The following TMEM72 variants were observed in gnomAD, a reference collection of about 807,000 sequenced individuals.
The protein encoded by TMEM72 is kidney-specific secretory protein of 37 kDa.
A neutral mutation model predicts 16.3 loss-of-function variants in TMEM72; 9 were observed. The observed-to-expected ratio is 0.55, with a 90% CI of 0.33 to 0.96. The LOEUF (loss-of-function observed/expected upper bound fraction) is 0.96. TMEM72 is among the 40% of genes least tolerant of loss of function. The probability of loss-of-function intolerance (pLI) is 0.03; values close to 1 mark genes in which losing one functional copy is unlikely to be tolerated. For missense variants in TMEM72, 324 were observed against 337.8 expected (o/e 0.96, Z 0.32); for synonymous variants, 160 against 146.5 (o/e 1.09, Z -0.66).
intron 3 of TMEM72, among the ~76,000 whole-genome samples, chr10:44,932,866 T>A (rs1245865564): frequency 6.6e-6 from 1 of 152,282 alleles, no homozygotes; most frequent in Non-Finnish European, 1.5e-5. Flanking sequence ...CACGCAGGAA[T>A]GGGCACCAGG....
At chr10:44,932,093 C>A (rs1218998269) in intron 3 of TMEM72, 24 bp downstream of exon 3, 1 of 1,608,014 alleles carries the variant, frequency 6.2e-7, no homozygotes, top group Non-Finnish European at 8.5e-7. Context: ...AGAGAGACCC[C>A]TCCATTGTCC....
At position 44,919,316 on chromosome 10, in the gene TMEM72, AC is replaced by A. The variant is rs527816130; in HGVS notation, c.70+7735del. 3.9e-5 allele frequency among the ~76,000 whole-genome samples: 6 copies of A among 152,284 alleles called. No individual in the cohort carries two copies. The South Asian group carries it at 1.2e-3, about 32-fold the overall frequency. Reference sequence around the variant, plus strand: ...GTTCTAGCCAGTGCAAGAAACAGAAACAAAATGCATACAGATTGTCCAGGAA... The same window carrying A: ...GTTCTAGCCAGTGCAAGAAACAGAAAAAAATGCATACAGATTGTCCAGGAA... On this transcript the variant is annotated intron_variant, in intron 1 of 4. Coordinates refer to ENST00000389583, the MANE Select transcript of TMEM72 (RefSeq NM_001123376.3).
rs1347368186 is a variant in TMEM72, at chr10:44,933,553, G to A, written c.210-84G>A. Reference sequence around the variant, plus strand: ...CCCACTGCAGAGCATGCCCACAGCAGGGCCTGGCCCAGACTCCATGGCATC... The same window carrying A: ...CCCACTGCAGAGCATGCCCACAGCAAGGCCTGGCCCAGACTCCATGGCATC... On this transcript the variant is annotated intron_variant, in intron 3 of 4. Transcript: ENST00000389583. 14 of 1,527,708 alleles carry A rather than the reference G, an allele frequency of 9.2e-6. No individual in the cohort carries two copies. The Admixed American group carries it at 2.7e-4, about 29-fold the overall frequency. 94.6% of individuals were successfully genotyped at this position (1,527,708 alleles called of 1,614,324 possible).
intron 1 of TMEM72, among the ~76,000 whole-genome samples, chr10:44,911,898 A>G (rs1488409652): frequency 1.3e-5 from 2 of 152,182 alleles, no homozygotes; most frequent in Non-Finnish European, 2.9e-5. Flanking sequence ...GAGAGTTGTC[A>G]TGAGATGGAG....
At chr10:44,917,680 A>G (rs954754499) in intron 1 of TMEM72, among the ~76,000 whole-genome samples, 1 of 152,200 alleles carries the variant, frequency 6.6e-6, no homozygotes, top group Non-Finnish European at 1.5e-5. Context: ...GACACTGTGA[A>G]GAAGGGGCTC....
In TMEM72 at chr10:44,933,678, C is replaced by T. The variant is rs1840343106; in HGVS notation, c.251C>T (p.Ala84Val). Residue 84 changes from alanine to valine, a missense_variant, in exon 4 of 5, where the codon GCC becomes GTC. By Grantham distance (64) the Ala-to-Val change is moderately conservative. Coordinates refer to ENST00000389583, the MANE Select transcript of TMEM72 (RefSeq NM_001123376.3). ...CTGGCAGACAGAGTAAGGGAGAAAGCCCACTGGCTGGGCTGCTTCCAGAAG... is the reference window on the plus strand; with the variant it reads ...CTGGCAGACAGAGTAAGGGAGAAAGTCCACTGGCTGGGCTGCTTCCAGAAG... ...GSLADRVREK[A>V]HWLGCFQKFL... The T allele has an allele frequency of 6.2e-7, 1 of 1,614,114 alleles. No homozygotes were observed. Among genetic ancestry groups the T allele is most frequent in the South Asian group, 1.1e-5 (1 of 91,084 alleles).
At chr10:44,914,031 G>C (rs897734662) in intron 1 of TMEM72, among the ~76,000 whole-genome samples, 4 of 152,182 alleles carry the variant, frequency 2.6e-5, no homozygotes, top group African/African-American at 9.7e-5. Context: ...CCTCTTCCCT[G>C]GACCCCCTGC....
At chr10:44,927,172 A>G (rs534712421) in intron 1 of TMEM72, among the ~76,000 whole-genome samples, 1 of 152,264 alleles carries the variant, frequency 6.6e-6, no homozygotes, top group African/African-American at 2.4e-5. Flanking sequence ...CAGCAGGCCG[A>G]TGCACTGCCC....
intron 1 of TMEM72, among the ~76,000 whole-genome samples, chr10:44,915,245 T>C (rs1469343028): frequency 6.6e-6 from 1 of 152,214 alleles, no homozygotes; most frequent in East Asian, 1.9e-4. Context: ...TTCCAGCCTC[T>C]GCCCAGAGCA....
chr10:44,918,560 A>T (rs1463870726), intron 1 of TMEM72, among the ~76,000 whole-genome samples: 1 of 152,224 alleles, frequency 6.6e-6, no homozygotes, highest in Non-Finnish European at 1.5e-5. Flanking sequence ...CTCAATATAG[A>T]TGCAAAAATT....
chr10:44,916,338 T>C (rs571425606), intron 1 of TMEM72, among the ~76,000 whole-genome samples: 1 of 152,208 alleles, frequency 6.6e-6, no homozygotes, highest in Non-Finnish European at 1.5e-5. Flanking sequence ...TGTTTCTCTA[T>C]ATAATGGACA....
At chr10:44,918,853 T>C (rs1840050242) in intron 1 of TMEM72, among the ~76,000 whole-genome samples, 1 of 151,938 alleles carries the variant, frequency 6.6e-6, no homozygotes, top group Non-Finnish European at 1.5e-5. Flanking sequence ...TATCATACAA[T>C]GTGCGGTAAC....
intron 1 of TMEM72, among the ~76,000 whole-genome samples, chr10:44,926,602 G>A (rs1840197475): frequency 2.0e-5 from 3 of 152,118 alleles, no homozygotes; most frequent in Admixed American, 1.3e-4. Context: ...GAGAGAGTGG[G>A]AGACTCGGTG....
chr10:44,911,631 A>G, intron 1 of TMEM72, 49 bp downstream of exon 1: 1 of 1,539,488 alleles, frequency 6.5e-7, no homozygotes. Flanking sequence ...GGCACCACAG[A>G]TAGGGCTGCC....
chr10:44,933,649 G>C lies in TMEM72; in HGVS notation c.222G>C (p.Gly74=), dbSNP rs1223152005. 1.2e-6 allele frequency: 2 copies of C among 1,613,364 alleles called. No individual in the cohort carries two copies. Among genetic ancestry groups the C allele is most frequent in the Non-Finnish European group, 1.7e-6 (2 of 1,179,490 alleles). ...TCCCTCTCCCCAGGTGTCAACCAGG[G>C]TCCCTGGCAGACAGAGTAAGGGAGA... is the stretch of plus-strand genomic sequence containing the variant. The part of the protein sequence containing the change: ...LLAICFQCQP[G]SLADRVREKA... Residue 74 remains glycine (G), a synonymous_variant, in exon 4 of 5, where the codon GGG becomes GGC. Transcript: ENST00000389583.
At chr10:44,924,622 G>A (rs139298756) in intron 1 of TMEM72, among the ~76,000 whole-genome samples, 105 of 152,328 alleles carry the variant, frequency 6.9e-4, no homozygotes, top group Admixed American at 1.7e-3. Flanking sequence ...GACTCGGTGC[G>A]AGTCCGTGTT....
chr10:44,921,156 T>C (rs1840091802), intron 1 of TMEM72, among the ~76,000 whole-genome samples: 1 of 152,142 alleles, frequency 6.6e-6, no homozygotes, highest in Non-Finnish European at 1.5e-5. Context: ...GGGAAGGAGC[T>C]AACAAGATGA....
intron 1 of TMEM72, among the ~76,000 whole-genome samples, chr10:44,918,481 T>G (rs1172999310): frequency 6.6e-6 from 1 of 152,172 alleles, no homozygotes; most frequent in African/African-American, 2.4e-5. Flanking sequence ...CAACTCATTC[T>G]ATAAAATTAG....
chr10:44,921,900 C>T (rs1047467523), intron 1 of TMEM72, among the ~76,000 whole-genome samples: 2 of 152,214 alleles, frequency 1.3e-5, no homozygotes, highest in African/African-American at 4.8e-5. Context: ...CTGAAGGCCA[C>T]ATTAAATTAC....
Sources: allele counts gnomAD v4.1 joint callset (sites outside exome capture counted in the v4.1 genomes callset), GRCh38; gene constraint gnomAD v4.1.1; transcripts MANE v1.5; gene names NCBI Gene and HGNC (gene_info 2026-07-23, HGNC 2026-07-21).